Variants in SERPINA9 observed in about 807,000 individuals in gnomAD.
SERPINA9 encodes serpin A9.
SERPINA9 carries 32 observed loss-of-function variants against 24.5 expected under a neutral mutation model. The ratio of observed to expected loss-of-function variants is 1.30; its 90% CI spans 0.98 to 1.75. SERPINA9 has a LOEUF of 1.75. Among genes scored for constraint, SERPINA9 ranks in the 40% most tolerant of loss-of-function variants. SERPINA9 has a pLI of 0.00. For synonymous variants in SERPINA9, 233 were observed against 197.7 expected, an observed-to-expected ratio of 1.18 and a Z score of -1.50; for missense variants, 594 against 497.1, an observed-to-expected ratio of 1.19 and a Z score of -1.85.
chr14:94,471,398 G>A (rs1185645552), intron 1 of SERPINA9, among the ~76,000 whole-genome samples: 1 of 152,152 alleles, frequency 6.6e-6, no homozygotes, highest in African/African-American at 2.4e-5. Flanking sequence ...GTCTATGTCA[G>A]ACCAAGCATA....
At chr14:94,468,921 C>T (rs1899152967) in intron 2 of SERPINA9, among the ~76,000 whole-genome samples, 1 of 152,174 alleles carries the variant, frequency 6.6e-6, no homozygotes, top group Non-Finnish European at 1.5e-5. Context: ...TCTTTTCTCT[C>T]AAGTAGTCTC....
At chr14:94,467,514 A>ATCAGAGCATT in intron 2 of SERPINA9, 132 bp from the exon 3 acceptor site, 1 of 780,086 alleles carries the variant, frequency 1.3e-6, no homozygotes, top group Non-Finnish European at 2.0e-6. Flanking sequence ...ATGCTCTGAT[A>ATCAGAGCATT]TTACACAGCG....
Position 94,467,252 on chromosome 14 carries a change from C to T in SERPINA9, c.759G>A (p.Glu253=). Residue 253 remains glutamate, a synonymous_variant, in exon 3 of 5, where the codon GAG becomes GAA. Coordinates refer to ENST00000674397, the MANE Select transcript of SERPINA9 (RefSeq NM_175739.4). ...CCATCTGCAGCACAAAGCAGTTCAG[C>T]TCTGTATCCACCCCAAAAGCGAACT... ...KEQFAFGVDT[E]LNCFVLQMDY... 6.2e-7 allele frequency: 1 copy of T among 1,614,214 alleles called. No homozygotes were observed. Among genetic ancestry groups the T allele is most frequent in the Non-Finnish European group, 8.5e-7 (1 of 1,180,040 alleles).
intron 1 of SERPINA9, among the ~76,000 whole-genome samples, chr14:94,475,475 C>T (rs1485878060): frequency 6.6e-6 from 1 of 151,792 alleles, no homozygotes; most frequent in Admixed American, 6.6e-5. Flanking sequence ...GAGCAGACAA[C>T]CTTGCCTCCT....
intron 1 of SERPINA9, among the ~76,000 whole-genome samples, chr14:94,475,413 T>G (rs986650829): frequency 7.1e-6 from 1 of 139,886 alleles, no homozygotes; most frequent in East Asian, 2.1e-4. Context: ...CATGTGTGCC[T>G]ACATGTGCAC....
intron 1 of SERPINA9, 95 bp from the exon 2 acceptor site, chr14:94,469,952 T>C (rs1899232303): frequency 9.6e-7 from 1 of 1,044,500 alleles, no homozygotes; most frequent in Non-Finnish European, 1.4e-6. Flanking sequence ...AGCAGCAGAA[T>C]GAGGACAGAT....
At chr14:94,473,514 T>G (rs1334508295) in intron 1 of SERPINA9, among the ~76,000 whole-genome samples, 22 of 113,642 alleles carry the variant, frequency 1.9e-4, no homozygotes, top group Non-Finnish European at 5.3e-5. Context: ...AGTGAAACTC[T>G]GTCTCAAAAA....
In SERPINA9 at chr14:94,463,039, T is replaced by C. The variant is rs2139791133; in HGVS notation, c.*54A>G. On this transcript the variant is annotated 3_prime_UTR_variant, in exon 5 of 5. Transcript: ENST00000674397. The stretch of plus-strand genomic sequence containing the variant: ...CTCAGAACAGAAAGAGGGATGTGGT[T>C]TGTTATTTCTTGTGCATTAGCAATG... 7.0e-7 allele frequency: 1 copy of C among 1,423,070 alleles called. No homozygotes were observed. The highest frequency in any genetic ancestry group is 9.9e-7 in the Non-Finnish European group (1 of 1,005,878). 88.2% of individuals were successfully genotyped at this position (1,423,070 alleles called of 1,614,324 possible). A position where few individuals can be genotyped will look rare whatever the true frequency, so the allele number is the denominator to read the frequency against.
At chr14:94,473,529 A>AT (rs1275455493) in intron 1 of SERPINA9, among the ~76,000 whole-genome samples, 1 of 151,198 alleles carries the variant, frequency 6.6e-6, no homozygotes. Context: ...CAAAAAAAAA[A>AT]AAAAAAAAAA....
intron 1 of SERPINA9, among the ~76,000 whole-genome samples, chr14:94,470,449 G>A: frequency 6.6e-6 from 1 of 152,246 alleles, no homozygotes; most frequent in Admixed American, 6.5e-5. Flanking sequence ...TTGCTGATGA[G>A]CTGCAGTTCT....
intron 1 of SERPINA9, chr14:94,470,171 T>C: frequency 9.2e-7 from 1 of 1,090,998 alleles, no homozygotes; most frequent in Non-Finnish European, 1.1e-6. Flanking sequence ...CTTTTTGATG[T>C]TTCTGCTTCA....
rs1249791650 is a variant in SERPINA9 at position 94,469,541 on chromosome 14, GA to G, written c.299del (p.Phe100SerfsTer22). ...CAGACTCTGGTGTGTGTGTGAGGTT[GA>G]AGCCCAGGCCCTGGAGAATCTGGGT... The part of the protein sequence containing the change: ...TKTQILQGLG[F>X]NLTHTPESAI... On this transcript the variant is annotated frameshift_variant, in exon 2 of 5. Coordinates refer to ENST00000674397, the MANE Select transcript of SERPINA9 (RefSeq NM_175739.4). LOFTEE classifies it high-confidence loss of function. 2.5e-6 allele frequency: 4 copies of G among 1,614,196 alleles called. No individual in the cohort carries two copies. Among genetic ancestry groups the G allele is most frequent in the Non-Finnish European group, 3.4e-6 (4 of 1,180,038 alleles).
chr14:94,469,684 A>G lies in SERPINA9; in HGVS notation c.157T>C (p.Phe53Leu). 6.2e-7 allele frequency: 1 copy of G among 1,613,302 alleles called. No homozygotes were observed. Among genetic ancestry groups the G allele is most frequent in the African/African-American group, 1.3e-5 (1 of 75,002 alleles). Residue 53 changes from phenylalanine (F) to leucine (L), a missense_variant, in exon 2 of 5, where the codon TTC becomes CTC. Phe to Leu is a conservative substitution (Grantham distance 22). Transcript: ENST00000674397. ...QVYSLNTDFA[F>L]RLYRRLVLET... Reference sequence around the variant, plus strand: ...AAAACCAGCCTGCGGTATAGGCGGAAGGCAAAGTCGGTGTTGAGGGAATAC... The same window carrying G: ...AAAACCAGCCTGCGGTATAGGCGGAGGGCAAAGTCGGTGTTGAGGGAATAC...
intron 3 of SERPINA9, among the ~76,000 whole-genome samples, chr14:94,465,619 G>A (rs989765751): frequency 1.3e-5 from 2 of 152,012 alleles, no homozygotes; most frequent in African/African-American, 2.4e-5. Context: ...CCTCCACCCC[G>A]TGGGTTCAAG....
chr14:94,469,849 A>G lies in SERPINA9; in HGVS notation c.-9T>C. The G allele has an allele frequency of 6.6e-7, 1 of 1,508,888 alleles. No homozygotes were observed. Among genetic ancestry groups the G allele is most frequent in the Non-Finnish European group, 8.9e-7 (1 of 1,129,292 alleles). 93.5% of individuals were successfully genotyped at this position (1,508,888 alleles called of 1,614,324 possible). On this transcript the variant is annotated 5_prime_UTR_variant, in exon 2 of 5. Transcript: ENST00000674397. ...TAAAGGTAAGATGCCATTTTGGAACAAAATATGTCTGCAAGAGAAGTAAGA... is the reference window on the plus strand; with the variant it reads ...TAAAGGTAAGATGCCATTTTGGAACGAAATATGTCTGCAAGAGAAGTAAGA...
chr14:94,467,935 GGA>G, intron 2 of SERPINA9, among the ~76,000 whole-genome samples: 1 of 151,320 alleles, frequency 6.6e-6, no homozygotes, highest in Non-Finnish European at 1.5e-5. Flanking sequence ...ATGGATGGAT[GGA>G]TGGATGGATA....
chr14:94,463,821 C>T (rs1898857274), intron 4 of SERPINA9, among the ~76,000 whole-genome samples: 1 of 152,196 alleles, frequency 6.6e-6, no homozygotes, highest in African/African-American at 2.4e-5. Context: ...GAGGCTTGAG[C>T]TCCTGTGACT....
intron 3 of SERPINA9, among the ~76,000 whole-genome samples, 175 bp from the exon 4 acceptor site, chr14:94,465,029 G>T (rs1448496455): frequency 6.6e-6 from 1 of 152,196 alleles, no homozygotes; most frequent in Non-Finnish European, 1.5e-5. Context: ...AAGCCTCCCA[G>T]CTGAGCAGGT....
intron 1 of SERPINA9, among the ~76,000 whole-genome samples, chr14:94,470,630 C>G (rs912504899): frequency 6.6e-6 from 1 of 152,210 alleles, no homozygotes; most frequent in African/African-American, 2.4e-5. Context: ...TCTGTTTTGC[C>G]TTTGTAAAAC....
Sources: gnomAD v4.1 joint callset for allele counts (sites outside exome capture counted in the v4.1 genomes callset) on GRCh38, gnomAD v4.1.1 for gene constraint, MANE v1.5 for transcripts, NCBI Gene and HGNC (gene_info 2026-07-23, HGNC 2026-07-21) for gene names.